The following SGCD variants were observed in gnomAD, a reference collection of about 807,000 sequenced individuals.
SGCD encodes the protein sarcoglycan delta.
In SGCD, 18 loss-of-function variants were observed where a neutral mutation model predicts 36.6. The observed-to-expected ratio is 0.49, with a 90% CI of 0.34 to 0.73. The LOEUF (loss-of-function observed/expected upper bound fraction) is 0.73, where lower values mean the gene tolerates loss of function less well. Among genes scored for constraint, SGCD ranks in the 30% least tolerant of loss-of-function variants. The pLI is 0.01. For missense variants in SGCD, 387 were observed against 346.7 expected, an observed-to-expected ratio of 1.12 and a Z score of -0.92; for synonymous variants, 133 against 130.6, an observed-to-expected ratio of 1.02 and a Z score of -0.12.
chr5:156,173,029 A>G (rs879447368), intron 3 of SGCD, among the ~76,000 whole-genome samples: 17 of 152,150 alleles, frequency 1.1e-4, no homozygotes, highest in Non-Finnish European at 1.9e-4. Context: ...ATGGATTAAC[A>G]TAAATTTTTG....
At chr5:156,725,789 G>C (rs369213586) in intron 7 of SGCD, among the ~76,000 whole-genome samples, 1 of 152,158 alleles carries the variant, frequency 6.6e-6, no homozygotes, top group African/African-American at 2.4e-5. Flanking sequence ...TGGCAGGCTT[G>C]ATAAATTGAC....
intron 7 of SGCD, among the ~76,000 whole-genome samples, chr5:156,727,356 G>A (rs1276249058): frequency 6.6e-6 from 1 of 152,152 alleles, no homozygotes; most frequent in East Asian, 1.9e-4. Context: ...GATTTTACAA[G>A]GAGTGGGGAA....
intron 1 of SGCD, among the ~76,000 whole-genome samples, chr5:156,048,860 T>C (rs1283208939): frequency 3.9e-5 from 6 of 152,294 alleles, no homozygotes; most frequent in South Asian, 2.1e-4. Flanking sequence ...TGGCTTTTGT[T>C]GCCATTGTTT....
At chr5:156,627,659 GA>G (rs2113521144) in intron 6 of SGCD, among the ~76,000 whole-genome samples, 1 of 152,216 alleles carries the variant, frequency 6.6e-6, no homozygotes, top group African/African-American at 2.4e-5. Context: ...ACTATTCTTA[GA>G]ACAGTTAAAA....
chr5:156,200,249 T>C (rs982129358), intron 3 of SGCD, among the ~76,000 whole-genome samples: 5 of 152,072 alleles, frequency 3.3e-5, no homozygotes, highest in African/African-American at 9.7e-5. Flanking sequence ...GACCTTCTCT[T>C]CCTTGCTTCA....
chr5:156,305,718 A>T (rs941230247), intron 3 of SGCD, among the ~76,000 whole-genome samples: 1 of 152,192 alleles, frequency 6.6e-6, no homozygotes, highest in Non-Finnish European at 1.5e-5. Context: ...ATGCACACTC[A>T]ATGCTAGCCC....
At chr5:155,998,545 C>T (rs1487650678) in intron 1 of SGCD, among the ~76,000 whole-genome samples, 1 of 152,026 alleles carries the variant, frequency 6.6e-6, no homozygotes, top group Non-Finnish European at 1.5e-5. Flanking sequence ...GATGGCATTG[C>T]CACAAACTGT....
the SGCD span, among the ~76,000 whole-genome samples, chr5:155,864,974 A>T: frequency 6.6e-6 from 1 of 152,160 alleles, no homozygotes; most frequent in Non-Finnish European, 1.5e-5. Flanking sequence ...AACCTTCAAA[A>T]CAACTCTGTA....
intron 3 of SGCD, among the ~76,000 whole-genome samples, chr5:156,187,779 G>C (rs1763798980): frequency 1.3e-5 from 2 of 152,156 alleles, no homozygotes; most frequent in African/African-American, 4.8e-5. Context: ...GAACTGGCCA[G>C]AGATGATGTA....
At chr5:156,379,948 G>T (rs1770887627) in intron 3 of SGCD, among the ~76,000 whole-genome samples, 1 of 152,142 alleles carries the variant, frequency 6.6e-6, no homozygotes, top group Non-Finnish European at 1.5e-5. Context: ...CCACTCTTTG[G>T]ATTTGTTTTA....
chr5:155,878,976 G>A (rs1755820412), intron 1 of SGCD, among the ~76,000 whole-genome samples: 1 of 151,982 alleles, frequency 6.6e-6, no homozygotes, highest in African/African-American at 2.4e-5. Context: ...GAATTTTTAT[G>A]AGTAAGTTTA....
intron 3 of SGCD, among the ~76,000 whole-genome samples, chr5:156,216,078 C>T (rs1398165395): frequency 6.6e-6 from 1 of 151,978 alleles, no homozygotes; most frequent in Non-Finnish European, 1.5e-5. Flanking sequence ...TAAGCCAGGC[C>T]CAGAACAAAT....
At chr5:156,730,017 C>T (rs1755974982) in intron 7 of SGCD, among the ~76,000 whole-genome samples, 1 of 152,182 alleles carries the variant, frequency 6.6e-6, no homozygotes, top group South Asian at 2.1e-4. Context: ...TGTGCATCTC[C>T]AATACTTCAG....
chr5:156,384,567 G>A (rs781732852), intron 3 of SGCD, among the ~76,000 whole-genome samples: 2 of 151,972 alleles, frequency 1.3e-5, no homozygotes, highest in African/African-American at 2.4e-5. Flanking sequence ...TTGAATAATC[G>A]AATAAATGCA....
intron 1 of SGCD, among the ~76,000 whole-genome samples, chr5:155,918,143 TTAGTC>T (rs1201900643): frequency 1.3e-5 from 2 of 152,246 alleles, no homozygotes; most frequent in Non-Finnish European, 2.9e-5. Context: ...GGAAAATAGT[TTAGTC>T]TATGAGATTA....
intron 1 of SGCD, among the ~76,000 whole-genome samples, chr5:156,096,508 T>A (rs1020746781): frequency 2.0e-5 from 3 of 152,020 alleles, no homozygotes; most frequent in Admixed American, 1.3e-4. Context: ...CTTGTTCCAA[T>A]AACTTATATT....
At chr5:155,855,541 A>T in the SGCD span, among the ~76,000 whole-genome samples, 9 of 152,340 alleles carry the variant, frequency 5.9e-5, no homozygotes, top group Middle Eastern at 3.4e-3. Flanking sequence ...TGCTTTGATG[A>T]AGAACTTGCT....
intron 1 of SGCD, among the ~76,000 whole-genome samples, chr5:155,872,579 G>A (rs1755677826): frequency 6.6e-6 from 1 of 152,144 alleles, no homozygotes; most frequent in Non-Finnish European, 1.5e-5. Flanking sequence ...CTATGCTTTT[G>A]TAAGGAAATG....
intron 1 of SGCD, among the ~76,000 whole-genome samples, chr5:155,987,272 G>T (rs767705632): frequency 9.2e-5 from 14 of 152,130 alleles, no homozygotes; most frequent in Non-Finnish European, 1.6e-4. Context: ...AGACAATGAA[G>T]AATCAGTTTT....
Sources: allele counts gnomAD v4.1 joint callset (sites outside exome capture counted in the v4.1 genomes callset), GRCh38; gene constraint gnomAD v4.1.1; transcripts MANE v1.5; gene names NCBI Gene and HGNC (gene_info 2026-07-23, HGNC 2026-07-21).